The following ACVR2A variants were observed in gnomAD, a reference collection of about 807,000 sequenced individuals.
The protein encoded by ACVR2A is activin A receptor type 2A.
Under a neutral mutation model 61.4 loss-of-function variants are expected in ACVR2A, and 7 were observed. The observed-to-expected ratio is 0.11, with a 90% CI of 0.06 to 0.21. The LOEUF (loss-of-function observed/expected upper bound fraction) is 0.21. ACVR2A is among the 10% of genes least tolerant of loss of function. The pLI is 1.00. For missense variants in ACVR2A, 322 were observed against 621.7 expected (o/e 0.52, Z 5.13); for synonymous variants, 193 against 208.3 (o/e 0.93, Z 0.63).
intron 4 of ACVR2A, among the ~76,000 whole-genome samples, chr2:147,914,785 A>C (rs974336786): frequency 6.6e-6 from 1 of 151,990 alleles, no homozygotes; most frequent in Non-Finnish European, 1.5e-5. Flanking sequence ...TTTTGCTGAT[A>C]TATAGTCATA....
At position 147,899,873 on chromosome 2, in the gene ACVR2A, A is replaced by G; in HGVS notation, c.503A>G (p.Tyr168Cys). 1 of 1,613,470 alleles carries G rather than the reference A, an allele frequency of 6.2e-7. No homozygotes were observed. ...GTGTACAGGCATCACAAGATGGCCT[A>G]CCCTCCTGTACTTGTTCCAACTCAA... The part of the protein sequence containing the change: ...FWVYRHHKMA[Y>C]PPVLVPTQDP... The change falls in exon 4 of 11, where the codon TAC (tyrosine) becomes TGC (cysteine). Residue 168 changes from tyrosine (Y) to cysteine (C), a missense_variant. Tyr to Cys is a radical substitution (Grantham distance 194, BLOSUM62 -2). Transcript: ENST00000241416.
At position 147,911,615 on chromosome 2, in the gene ACVR2A, T is replaced by C. The variant is rs138788770; in HGVS notation, c.529-3576T>C. On this transcript the variant is annotated intron_variant, in intron 4 of 10. Transcript: ENST00000241416. ...TGTGGAACTTTCTGTGGATGCATAC[T>C]AAACATTTTGTTCTTAGATTTTTGT... is the stretch of plus-strand genomic sequence containing the variant. Among the ~76,000 whole-genome samples, 131 of 152,204 alleles carry C rather than the reference T, an allele frequency of 8.6e-4. 1 individual carries two copies. The East Asian group carries it at 0.024, about 28-fold the overall frequency.
chr2:147,908,586 A>G (rs553283128), intron 4 of ACVR2A, among the ~76,000 whole-genome samples: 2 of 152,320 alleles, frequency 1.3e-5, no homozygotes, highest in South Asian at 4.1e-4. Flanking sequence ...CTTAGTTCAG[A>G]AACATTGTCC....
At chr2:147,868,802 TA>T (rs1194942730) in intron 1 of ACVR2A, among the ~76,000 whole-genome samples, 7 of 151,862 alleles carry the variant, frequency 4.6e-5, no homozygotes, top group Non-Finnish European at 8.8e-5. Context: ...GCTAATTTTT[TA>T]ATTTTTTTTG....
intron 4 of ACVR2A, among the ~76,000 whole-genome samples, chr2:147,903,164 A>G (rs1686910488): frequency 6.6e-6 from 1 of 151,752 alleles, no homozygotes; most frequent in Admixed American, 6.6e-5. Flanking sequence ...CTGGTCTTTC[A>G]TTATGGTTCC....
chr2:147,874,134 A>AT (rs1295205139), intron 1 of ACVR2A, among the ~76,000 whole-genome samples: 1 of 151,910 alleles, frequency 6.6e-6, no homozygotes, highest in East Asian at 1.9e-4. Flanking sequence ...GTGAAATAAG[A>AT]TAGGACCTAG....
chr2:147,914,690 T>G (rs1309133744), intron 4 of ACVR2A, among the ~76,000 whole-genome samples: 1 of 151,982 alleles, frequency 6.6e-6, no homozygotes, highest in African/African-American at 2.4e-5. Context: ...GCAATGTGTT[T>G]AAGAATGACT....
upstream of ACVR2A, chr2:147,845,027 T>TTTTTTTTTTGGG: frequency 4.1e-6 from 1 of 241,322 alleles, no homozygotes; most frequent in Non-Finnish European, 8.1e-6. Flanking sequence ...TTTTTTTTTT[T>TTTTTTTTTTGGG]GGTCTGGGCT....
chr2:147,875,397 T>C (rs749147140), intron 1 of ACVR2A, among the ~76,000 whole-genome samples: 1 of 152,118 alleles, frequency 6.6e-6, no homozygotes, highest in African/African-American at 2.4e-5. Context: ...TATTGAGCAG[T>C]GTAACTACTT....
intron 1 of ACVR2A, among the ~76,000 whole-genome samples, chr2:147,874,357 A>G (rs1240435033): frequency 2.0e-5 from 3 of 151,946 alleles, no homozygotes; most frequent in Non-Finnish European, 4.4e-5. Flanking sequence ...AGTATGACAC[A>G]TCTTCCTGTT....
At position 147,899,830 on chromosome 2, in the gene ACVR2A, G is replaced by A. The variant is rs745880788; in HGVS notation, c.460G>A (p.Val154Ile). 122 of 1,613,612 alleles carry A rather than the reference G, an allele frequency of 7.6e-5. No homozygotes were observed. Among genetic ancestry groups the A allele is most frequent in the Non-Finnish European group, 9.9e-5 (117 of 1,179,760 alleles). Residue 154 changes from valine to isoleucine, a missense_variant, in exon 4 of 11, where the codon GTC becomes ATC. Val to Ile is a conservative substitution (Grantham distance 29, BLOSUM62 3). Coordinates refer to ENST00000241416, the MANE Select transcript of ACVR2A (RefSeq NM_001616.5). ...GCCACTTATGTTAATTGCGGGGATT[G>A]TCATTTGTGCATTTTGGGTGTACAG... The part of the protein sequence containing the change: ...LVPLMLIAGI[V>I]ICAFWVYRHH...
intron 1 of ACVR2A, among the ~76,000 whole-genome samples, chr2:147,876,479 AG>A (rs1489158550): frequency 2.0e-5 from 3 of 151,874 alleles, no homozygotes; most frequent in African/African-American, 7.3e-5. Flanking sequence ...CTCAAGGTTG[AG>A]GTATATGCCA....
At chr2:147,870,426 T>C (rs956573232) in intron 1 of ACVR2A, among the ~76,000 whole-genome samples, 2 of 152,182 alleles carry the variant, frequency 1.3e-5, no homozygotes, top group African/African-American at 4.8e-5. Context: ...GAATTTAACA[T>C]GCCACTTCTG....
intron 5 of ACVR2A, among the ~76,000 whole-genome samples, 163 bp downstream of exon 5, chr2:147,915,497 T>C (rs1437650112): frequency 2.0e-5 from 3 of 151,940 alleles, no homozygotes; most frequent in Non-Finnish European, 4.4e-5. Flanking sequence ...ATCTGAGAAA[T>C]GGAATTGTTA....
chr2:147,885,157 T>A (rs1025646329), intron 1 of ACVR2A, among the ~76,000 whole-genome samples: 4 of 152,154 alleles, frequency 2.6e-5, no homozygotes, highest in African/African-American at 9.7e-5. Context: ...TCCTATACTG[T>A]GCTAGGCACT....
At chr2:147,913,535 G>T (rs1017005964) in intron 4 of ACVR2A, among the ~76,000 whole-genome samples, 1 of 151,796 alleles carries the variant, frequency 6.6e-6, no homozygotes, top group African/African-American at 2.4e-5. Context: ...CTTTCCTGTA[G>T]AAGAGTTGTT....
intron 1 of ACVR2A, among the ~76,000 whole-genome samples, chr2:147,880,972 A>G (rs949989827): frequency 1.3e-5 from 2 of 152,126 alleles, no homozygotes; most frequent in African/African-American, 4.8e-5. Flanking sequence ...CTCTTTGTTT[A>G]ATGGAAATCT....
chr2:147,874,855 T>A (rs949901092), intron 1 of ACVR2A, among the ~76,000 whole-genome samples: 2 of 151,986 alleles, frequency 1.3e-5, no homozygotes, highest in African/African-American at 4.8e-5. Flanking sequence ...AAAGTAGGTT[T>A]AAGTTAAAAG....
intron 1 of ACVR2A, among the ~76,000 whole-genome samples, chr2:147,878,472 A>G (rs76684667): frequency 0.011 from 1,729 of 152,144 alleles, 38 homozygotes; most frequent in East Asian, 0.051. Flanking sequence ...GAAAGAGGCC[A>G]GGAACTATGA....
Sources: allele counts gnomAD v4.1 joint callset (sites outside exome capture counted in the v4.1 genomes callset), GRCh38; gene constraint gnomAD v4.1.1; transcripts MANE v1.5; gene names NCBI Gene and HGNC (gene_info 2026-07-23, HGNC 2026-07-21).